Variants in FAM86B1 observed in about 807,000 individuals in gnomAD.
The protein encoded by FAM86B1 is putative protein N-methyltransferase FAM86B1.
For missense variants in FAM86B1, 13 were observed against 328.1 expected, an observed-to-expected ratio of 0.04 and a Z score of 7.42; for synonymous variants, 4 against 137.6, an observed-to-expected ratio of 0.03 and a Z score of 6.79.
upstream of FAM86B1, among the ~76,000 whole-genome samples, chr8:12,194,315 G>A (rs1424781916): frequency 1.0e-4 from 15 of 148,054 alleles, no homozygotes; most frequent in Admixed American, 9.2e-4. Flanking sequence ...CCAGGTTGGC[G>A]GTTCCTGGGG....
At chr8:12,188,490 G>C (rs200629026) in intron 3 of FAM86B1, 14,397 of 410,594 alleles carry the variant, frequency 0.035, 12 homozygotes, top group Non-Finnish European at 0.048. Context: ...AAGAGGTGTT[G>C]AGAGGGTAGG....
In FAM86B1 at chr8:12,182,526, G is replaced by A. The variant is rs1468253494; in HGVS notation, c.*1080C>T. 1.3e-6 allele frequency: 2 copies of A among 1,497,794 alleles called. No individual in the cohort carries two copies. Among genetic ancestry groups the A allele is most frequent in the South Asian group, 1.1e-5 (1 of 87,336 alleles). 92.8% of individuals were successfully genotyped at this position (1,497,794 alleles called of 1,614,324 possible). A position where few individuals can be genotyped will look rare whatever the true frequency, so the allele number is the denominator to read the frequency against. On this transcript the variant is annotated 3_prime_UTR_variant, in exon 7 of 7. Transcript: ENST00000448228. Reference sequence around the variant, plus strand: ...GTCGGGGACCTGGGGTCATCCAAGTGGTGACCTGGGATGGGGTGGGGACAG... The same window carrying A: ...GTCGGGGACCTGGGGTCATCCAAGTAGTGACCTGGGATGGGGTGGGGACAG...
At chr8:12,187,206 AT>A (rs138357947) in intron 3 of FAM86B1, among the ~76,000 whole-genome samples, 3,389 of 16,796 alleles carry the variant, frequency 0.2, 341 homozygotes, top group Non-Finnish European at 0.45. Context: ...GTTTTATCTC[AT>A]TTTTTTTTTT....
intron 2 of FAM86B1, among the ~76,000 whole-genome samples, chr8:12,191,522 TA>T (rs1159166829): frequency 2.2e-4 from 28 of 124,540 alleles, no homozygotes; most frequent in African/African-American, 1.0e-3. Flanking sequence ...GTGGATGGTT[TA>T]AAAAACATTC....
intron 2 of FAM86B1, among the ~76,000 whole-genome samples, chr8:12,191,072 T>C (rs1262295353): frequency 1.4e-5 from 2 of 147,760 alleles, no homozygotes; most frequent in African/African-American, 5.2e-5. Context: ...ACGTGGATAA[T>C]CTTGGTTCAT....
intron 2 of FAM86B1, among the ~76,000 whole-genome samples, chr8:12,190,258 C>A (rs2150739356): frequency 6.9e-6 from 1 of 144,918 alleles, no homozygotes; most frequent in East Asian, 2.0e-4. Context: ...TCAGCAACTG[C>A]TCTCTGGGAG....
intron 5 of FAM86B1, 147 bp downstream of exon 5, chr8:12,186,205 T>C: frequency 2.5e-6 from 2 of 802,814 alleles, no homozygotes; most frequent in South Asian, 4.2e-5. Context: ...TGTCCTTTGA[T>C]GTCACCCTGG....
intron 2 of FAM86B1, among the ~76,000 whole-genome samples, chr8:12,191,011 G>A (rs1187338464): frequency 6.7e-6 from 1 of 148,890 alleles, no homozygotes; most frequent in African/African-American, 2.5e-5. Context: ...TCGAAGCCCT[G>A]ACCTACTGTA....
upstream of FAM86B1, chr8:12,194,326 C>T (rs1807487901): frequency 1.7e-6 from 1 of 598,300 alleles, no homozygotes; most frequent in South Asian, 1.9e-5. Context: ...GTTCCTGGGG[C>T]AGGGCCAGGA....
At chr8:12,192,855 C>G (rs1233009952) in intron 1 of FAM86B1, among the ~76,000 whole-genome samples, 3 of 150,370 alleles carry the variant, frequency 2.0e-5, no homozygotes, top group Non-Finnish European at 4.4e-5. Context: ...CATTTGTACT[C>G]AACGCTGAGA....
rs1419969841 is a variant in FAM86B1 at position 12,182,503 on chromosome 8, C to T, written c.*1103G>A. 23 of 1,421,388 alleles carry T rather than the reference C, an allele frequency of 1.6e-5. No homozygotes were observed. In the African/African-American group the frequency reaches 1.6e-4, roughly 10 times the overall value. The allele number at this position is 1,421,388 out of a possible 1,614,324, so 88.0% of individuals were successfully genotyped here. A position where few individuals can be genotyped will look rare whatever the true frequency, so the allele number is the denominator to read the frequency against. On this transcript the variant is annotated 3_prime_UTR_variant, in exon 7 of 7. Transcript: ENST00000448228. ...GACTTGGGAGGGGTTGTTGTTGGGT[C>T]GGGGACCTGGGGTCATCCAAGTGGT... is the stretch of plus-strand genomic sequence containing the variant.
upstream of FAM86B1, chr8:12,194,892 G>A (rs528215740): frequency 1.5e-3 from 231 of 149,536 alleles, no homozygotes; most frequent in Middle Eastern, 3.3e-3. Flanking sequence ...AAGTTCGGGA[G>A]GCGTTACCTG....
rs1157044568 is a variant in FAM86B1, at chr8:12,182,451, G to A, written c.*1155C>T. On this transcript the variant is annotated 3_prime_UTR_variant, in exon 7 of 7. Coordinates refer to ENST00000448228, the MANE Select transcript of FAM86B1 (RefSeq NM_001083537.4). Reference sequence around the variant, plus strand: ...GTCCAAGTGAGGGGGGTTGTGAAGGGTCTCAAGTCCAAGTGAGGGAGTTAG... The same window carrying A: ...GTCCAAGTGAGGGGGGTTGTGAAGGATCTCAAGTCCAAGTGAGGGAGTTAG... 3 of 1,199,560 alleles carry A rather than the reference G, an allele frequency of 2.5e-6. No individual in the cohort carries two copies. Among genetic ancestry groups the A allele is most frequent in the Admixed American group, 2.1e-5 (1 of 47,184 alleles). 74.3% of individuals were successfully genotyped at this position (1,199,560 alleles called of 1,614,324 possible). A position where few individuals can be genotyped will look rare whatever the true frequency, so the allele number is the denominator to read the frequency against.
At chr8:12,194,387 C>T (rs1227898714), upstream of FAM86B1, 2 of 577,188 alleles carry the variant, frequency 3.5e-6, no homozygotes, top group African/African-American at 4.3e-5. Context: ...TGGTGGCGTC[C>T]TGGAGGCGGT....
intron 2 of FAM86B1, among the ~76,000 whole-genome samples, chr8:12,191,105 C>T (rs1464275510): frequency 2.8e-5 from 3 of 108,504 alleles, no homozygotes; most frequent in Admixed American, 1.2e-4. Context: ...AATTCTTCAC[C>T]GGGGCTCCTA....
rs1471483340 is a variant in FAM86B1 at position 12,183,219 on chromosome 8, G to A, written c.*387C>T. On this transcript the variant is annotated 3_prime_UTR_variant, in exon 7 of 7. Transcript: ENST00000448228. ...GGGATGTGGCAGCTGCAGCGGGCTT[G>A]GCTTTGTGAGGAACCGAGTGTGTCC... 1 of 407,102 alleles carries A rather than the reference G, an allele frequency of 2.5e-6. No individual in the cohort carries two copies. The highest frequency in any genetic ancestry group is 2.2e-5 in the South Asian group (1 of 44,996). 25.2% of individuals were successfully genotyped at this position (407,102 alleles called of 1,614,324 possible). A position where few individuals can be genotyped will look rare whatever the true frequency, so the allele number is the denominator to read the frequency against.
At chr8:12,193,266 A>G (rs796490954) in intron 1 of FAM86B1, among the ~76,000 whole-genome samples, 1,535 of 135,502 alleles carry the variant, frequency 0.011, 75 homozygotes, top group Middle Eastern at 0.049. Flanking sequence ...ATGGAATAAC[A>G]CAAATGATTA....
intron 2 of FAM86B1, among the ~76,000 whole-genome samples, chr8:12,190,724 A>G (rs1167455834): frequency 1.0e-5 from 1 of 95,630 alleles, no homozygotes; most frequent in Non-Finnish European, 2.0e-5. Flanking sequence ...AGCTGGGACT[A>G]TAGGCGTGCA....
At position 12,183,714 on chromosome 8, in the gene FAM86B1, CA is replaced by C; in HGVS notation, c.791-9del. ...ATCTGATCCCATCCCGGCCTGGAAA[CA>C]AAGCACGTGTTTGAGGATGGCGGTG... On this transcript the variant is annotated splice_polypyrimidine_tract_variant and intron_variant, in intron 6 of 6. Coordinates refer to ENST00000448228, the MANE Select transcript of FAM86B1 (RefSeq NM_001083537.4). The C allele has an allele frequency of 3.1e-6, 2 of 647,320 alleles. No homozygotes were observed. The highest frequency in any genetic ancestry group is 3.4e-5 in the South Asian group (2 of 59,676). 40.1% of individuals were successfully genotyped at this position (647,320 alleles called of 1,614,324 possible).
Sources: allele counts gnomAD v4.1 joint callset (sites outside exome capture counted in the v4.1 genomes callset), GRCh38; gene constraint gnomAD v4.1.1; transcripts MANE v1.5; gene names NCBI Gene and HGNC (gene_info 2026-07-23, HGNC 2026-07-21).